Variants in ADAM17 observed in about 807,000 individuals in gnomAD.
ADAM17 encodes ADAM metallopeptidase domain 17, also known as disintegrin and metalloproteinase domain-containing protein 17.
Under a neutral mutation model 96.7 loss-of-function variants are expected in ADAM17, and 39 were observed. The observed-to-expected ratio is 0.40, with a 90% CI of 0.31 to 0.53. The LOEUF is 0.53. ADAM17 is among the 20% of genes least tolerant of loss of function. The pLI, the probability that ADAM17 is intolerant of heterozygous loss-of-function variation, is 0.44. For synonymous variants in ADAM17, 344 were observed against 359.2 expected (o/e 0.96, Z 0.48); for missense variants, 777 against 1,013.2 (o/e 0.77, Z 3.17).
intron 1 of ADAM17, among the ~76,000 whole-genome samples, chr2:9,547,282 GA>G (rs1665431776): frequency 6.6e-6 from 1 of 151,930 alleles, no homozygotes; most frequent in African/African-American, 2.4e-5. Flanking sequence ...TATTTATTGA[GA>G]ACCTCCTACC....
intron 4 of ADAM17, among the ~76,000 whole-genome samples, chr2:9,532,623 C>T (rs1471461719): frequency 6.6e-6 from 1 of 151,242 alleles, no homozygotes; most frequent in Admixed American, 6.6e-5. Flanking sequence ...AGGCATGTGC[C>T]ACCATGCCCA....
intron 10 of ADAM17, among the ~76,000 whole-genome samples, chr2:9,514,568 T>TATATATATATATAA (rs1558510006): frequency 3.0e-5 from 3 of 100,534 alleles, no homozygotes; most frequent in Non-Finnish European, 6.1e-5. Context: ...TATATATATA[T>TATATATATATATAA]AAATAAAAAG....
At chr2:9,536,434 G>T (rs1664963083) in intron 3 of ADAM17, among the ~76,000 whole-genome samples, 1 of 152,146 alleles carries the variant, frequency 6.6e-6, no homozygotes, top group South Asian at 2.1e-4. Context: ...CTGAGGAAAA[G>T]AAAGGTTAAA....
chr2:9,491,209 T>TAC, intron 17 of ADAM17, 58 bp from the exon 18 acceptor site: 1 of 1,503,250 alleles, frequency 6.7e-7, no homozygotes, highest in Middle Eastern at 1.7e-4. Context: ...TAGTGAGTAC[T>TAC]ATTTCATCAC....
chr2:9,520,988 G>GAAAAAAAAA (rs1234369493), intron 8 of ADAM17, among the ~76,000 whole-genome samples: 2,065 of 111,948 alleles, frequency 0.018, 235 homozygotes, highest in Non-Finnish European at 0.031. Context: ...AAAAAAAAAG[G>GAAAAAAAAA]AAGCATTGCT....
chr2:9,489,292 G>C lies in ADAM17; in HGVS notation c.*885C>G, dbSNP rs1661884506. The stretch of plus-strand genomic sequence containing the variant: ...TTTTTTTTTTTTTTTTTGAGGCAGA[G>C]TCTCACTCTGTCACCCAGGCTGGAG... On this transcript the variant is annotated 3_prime_UTR_variant, in exon 19 of 19. Coordinates refer to ENST00000310823, the MANE Select transcript of ADAM17 (RefSeq NM_003183.6). The C allele has an allele frequency of 8.7e-6, 1 of 114,858 alleles. No homozygotes were observed. The highest frequency in any genetic ancestry group is 1.6e-5 in the Non-Finnish European group (1 of 63,952). 7.1% of individuals were successfully genotyped at this position (114,858 alleles called of 1,614,324 possible).
intron 10 of ADAM17, among the ~76,000 whole-genome samples, chr2:9,517,669 G>A (rs1324660228): frequency 2.0e-5 from 3 of 152,152 alleles, no homozygotes; most frequent in Non-Finnish European, 2.9e-5. Flanking sequence ...CAGAGGGTTC[G>A]AGAAAAGCAG....
intron 8 of ADAM17, among the ~76,000 whole-genome samples, chr2:9,519,809 G>GC (rs1022678439): frequency 2.6e-5 from 4 of 152,194 alleles, no homozygotes; most frequent in Non-Finnish European, 5.9e-5. Flanking sequence ...AATCAACCCT[G>GC]CTGACCCCTT....
At chr2:9,498,213 T>C (rs186489486) in intron 13 of ADAM17, among the ~76,000 whole-genome samples, 134 of 152,194 alleles carry the variant, frequency 8.8e-4, no homozygotes, top group Non-Finnish European at 1.5e-3. Context: ...TTCTTTTTTT[T>C]TGAGAGACGA....
rs762694337 is a variant in ADAM17 at position 9,523,234 on chromosome 2, T to C, written c.843+15A>G. 2 of 1,566,676 alleles carry C rather than the reference T, an allele frequency of 1.3e-6. No homozygotes were observed. Among genetic ancestry groups the C allele is most frequent in the East Asian group, 4.5e-5 (2 of 44,500 alleles). On this transcript the variant is annotated intron_variant, in intron 7 of 18. Transcript: ENST00000310823. The stretch of plus-strand genomic sequence containing the variant: ...CAAAACTTAAGTAATATAAGCCATA[T>C]CTATTGATAAATACCTGCTCTATCT...
chr2:9,541,557 T>A lies in ADAM17; in HGVS notation c.230+1596A>T, dbSNP rs10173014. Reference sequence around the variant, plus strand: ...CAGTCTGGGCGACAAGAGCAAAAACTCTGTCTCAAAAAACAAAAAACAAAA... The same window carrying A: ...CAGTCTGGGCGACAAGAGCAAAAACACTGTCTCAAAAAACAAAAAACAAAA... On this transcript the variant is annotated intron_variant, in intron 2 of 18. Coordinates refer to ENST00000310823, the MANE Select transcript of ADAM17 (RefSeq NM_003183.6). 8.5e-3 allele frequency among the ~76,000 whole-genome samples: 1,286 copies of A among 152,150 alleles called. 14 individuals are homozygous for A. The highest frequency in any genetic ancestry group is 0.03 in the African/African-American group (1,230 of 41,528).
Position 9,488,559 on chromosome 2 carries a change from A to C in ADAM17, c.*1618T>G. ...AAAATATACCCTGAGCAGCTTGTTA[A>C]TTCTATAAATGACAAAGACTATGTT... On this transcript the variant is annotated 3_prime_UTR_variant, in exon 19 of 19. Coordinates refer to ENST00000310823, the MANE Select transcript of ADAM17 (RefSeq NM_003183.6). 2.8e-6 allele frequency: 1 copy of C among 358,452 alleles called. No individual in the cohort carries two copies. Among genetic ancestry groups the C allele is most frequent in the Non-Finnish European group, 4.9e-6 (1 of 202,104 alleles). 22.2% of individuals were successfully genotyped at this position (358,452 alleles called of 1,614,324 possible).
chr2:9,509,973 A>G lies in ADAM17; in HGVS notation c.1344+6T>C, dbSNP rs752978791. 6.2e-7 allele frequency: 1 copy of G among 1,613,506 alleles called. No individual in the cohort carries two copies. The highest frequency in any genetic ancestry group is 1.3e-5 in the African/African-American group (1 of 74,850). ...ACCACATAAAAAATTCTCGACACAC[A>G]CATACCTTATTGTTCTCGTGATCGC... is the stretch of plus-strand genomic sequence containing the variant. On this transcript the variant is annotated splice_donor_region_variant and intron_variant, in intron 11 of 18. Transcript: ENST00000310823.
chr2:9,513,784 G>T (rs554073587), intron 10 of ADAM17, among the ~76,000 whole-genome samples: 1 of 152,130 alleles, frequency 6.6e-6, no homozygotes, highest in African/African-American at 2.4e-5. Context: ...CAGCAGTTTG[G>T]GAGGCCGAGG....
intron 2 of ADAM17, among the ~76,000 whole-genome samples, chr2:9,537,137 A>T (rs1664989780): frequency 6.6e-6 from 1 of 152,240 alleles, no homozygotes; most frequent in Non-Finnish European, 1.5e-5. Flanking sequence ...TGCGTAGTTA[A>T]GTTGGAATCC....
intron 12 of ADAM17, among the ~76,000 whole-genome samples, chr2:9,503,126 C>T (rs1318760957): frequency 3.1e-5 from 4 of 128,222 alleles, no homozygotes; most frequent in South Asian, 2.4e-4. Context: ...GTCAACAGGG[C>T]GAGACTCTCT....
chr2:9,494,908 A>C (rs1466298056), intron 14 of ADAM17, 141 bp from the exon 15 acceptor site: 1 of 992,148 alleles, frequency 1.0e-6, no homozygotes, highest in Admixed American at 3.0e-5. Flanking sequence ...TACTATCCAT[A>C]GCCCCCACCA....
chr2:9,502,064 T>A, intron 13 of ADAM17, 109 bp downstream of exon 13: 1 of 976,808 alleles, frequency 1.0e-6, no homozygotes, highest in Non-Finnish European at 1.5e-6. Context: ...ACCCGGCATA[T>A]GAGATTAAAA....
At chr2:9,500,942 C>G (rs1490526625) in intron 13 of ADAM17, among the ~76,000 whole-genome samples, 1 of 152,192 alleles carries the variant, frequency 6.6e-6, no homozygotes, top group Non-Finnish European at 1.5e-5. Context: ...TGGAAAATAT[C>G]TTTTTAACCA....
Sources: allele counts gnomAD v4.1 joint callset (sites outside exome capture counted in the v4.1 genomes callset), GRCh38; gene constraint gnomAD v4.1.1; transcripts MANE v1.5; gene names NCBI Gene and HGNC (gene_info 2026-07-23, HGNC 2026-07-21).